Variants in APH1B observed in about 807,000 individuals in gnomAD.
The protein encoded by APH1B is gamma-secretase subunit APH-1B.
Under a neutral mutation model 28.2 loss-of-function variants are expected in APH1B, and 27 were observed. That is an observed-to-expected ratio of 0.96 (90% CI 0.70 to 1.32). APH1B has a LOEUF of 1.32. Among genes scored for constraint, APH1B ranks in the 40% most tolerant of loss-of-function variants. The pLI, the probability that APH1B is intolerant of heterozygous loss-of-function variation, is 0.00. For missense variants in APH1B, 305 were observed against 313.6 expected (o/e 0.97, Z 0.21); for synonymous variants, 141 against 124.6 (o/e 1.13, Z -0.88).
At chr15:63,305,573 C>T in intron 5 of APH1B, 41 bp from the exon 6 acceptor site, 1 of 1,600,776 alleles carries the variant, frequency 6.2e-7, no homozygotes, top group Non-Finnish European at 8.5e-7. Flanking sequence ...GTTTAATAAG[C>T]TTGCTGTTAT....
At chr15:63,305,586 C>T (rs1290899290) in intron 5 of APH1B, 28 bp from the exon 6 acceptor site, 1 of 1,609,768 alleles carries the variant, frequency 6.2e-7, no homozygotes, top group Non-Finnish European at 8.5e-7. Context: ...GCTGTTATTA[C>T]CCAAGCTGAT....
chr15:63,304,200 A>C lies in APH1B; in HGVS notation c.607-1414A>C, dbSNP rs906712662. 6.6e-6 allele frequency among the ~76,000 whole-genome samples: 1 copy of C among 152,208 alleles called. No individual in the cohort carries two copies. The highest frequency in any genetic ancestry group is 2.4e-5 in the African/African-American group (1 of 41,466). On this transcript the variant is annotated intron_variant, in intron 5 of 5. Transcript: ENST00000261879. This position sits in a 1 kb window ranked among gnomAD's most constrained non-coding sequence, Gnocchi z 5.1. ...CATGTTGTGTGGCTCCGTTGACAGA[A>C]ATACCAAAAGGCAGCACCAGGCTGT... is the stretch of plus-strand genomic sequence containing the variant.
At chr15:63,302,307 ACC>A in intron 4 of APH1B, 36 bp from the exon 5 acceptor site, 1 of 1,607,038 alleles carries the variant, frequency 6.2e-7, no homozygotes, top group South Asian at 1.1e-5. Flanking sequence ...TGGTTCTGAT[ACC>A]TGTAGGAGTG....
rs373888843 is a variant in APH1B at position 63,302,401 on chromosome 15, G to T, written c.535G>T (p.Asp179Tyr). The T allele has an allele frequency of 2.0e-5, 33 of 1,613,896 alleles. No homozygotes were observed. The highest frequency in any genetic ancestry group is 4.5e-5 in the East Asian group (2 of 44,892). ...TGTATTCTGGGGCATTGTATTTTTT[G>T]ATGGCTGTGAGAAGAAAAAGTGGGG... ...LHVFWGIVFF[D>Y]GCEKKKWGIL... Residue 179 changes from aspartate to tyrosine, a missense_variant, in exon 5 of 6, where the codon GAT (aspartate) becomes TAT (tyrosine). Transcript: ENST00000261879.
chr15:63,295,258 T>A (rs1043619864), intron 4 of APH1B, among the ~76,000 whole-genome samples: 1 of 152,190 alleles, frequency 6.6e-6, no homozygotes, highest in Non-Finnish European at 1.5e-5. Context: ...AGTGAAGCAT[T>A]AATAGAAAGT....
chr15:63,292,874 C>G (rs989803913), intron 4 of APH1B, among the ~76,000 whole-genome samples: 2 of 152,340 alleles, frequency 1.3e-5, no homozygotes, highest in East Asian at 3.9e-4. Context: ...AGTGTGTAAG[C>G]AGGCAGCTCA....
In APH1B at chr15:63,287,427, C is replaced by T. The variant is rs199559857; in HGVS notation, c.359C>T (p.Ser120Phe). 2.2e-5 allele frequency: 35 copies of T among 1,613,108 alleles called. No individual in the cohort carries two copies. Among genetic ancestry groups the T allele is most frequent in the Non-Finnish European group, 3.0e-5 (35 of 1,179,552 alleles). ...APSMRLLAYV[S>F]GLGFGIMSGV... ...CAGTGTTTTTCTTCCTGTTTAGTTT[C>T]TGGCTTGGGCTTTGGAATCATGAGT... The change falls in exon 4 of 6, where the codon TCT becomes TTT. Residue 120 changes from serine to phenylalanine, a missense_variant. By Grantham distance (155) the Ser-to-Phe change is radical. Transcript: ENST00000261879.
At chr15:63,277,841 T>G in intron 1 of APH1B, 105 bp downstream of exon 1, 1 of 1,124,724 alleles carries the variant, frequency 8.9e-7, no homozygotes, top group East Asian at 2.7e-5. Context: ...CTTGTTGCGT[T>G]TCAGACGGGA....
chr15:63,299,083 T>C (rs1476009253), intron 4 of APH1B, among the ~76,000 whole-genome samples: 2 of 151,980 alleles, frequency 1.3e-5, no homozygotes, highest in Admixed American at 1.3e-4. Flanking sequence ...AAACCAGAGG[T>C]ATAGACAGAG....
chr15:63,279,950 ACCATGCCC>A (rs1241931843), intron 2 of APH1B, among the ~76,000 whole-genome samples: 1 of 152,060 alleles, frequency 6.6e-6, no homozygotes, highest in African/African-American at 2.4e-5. Context: ...GGTGTGCACC[ACCATGCCC>A]GGCTAATTTT....
At chr15:63,287,643 A>G (rs1335213284) in intron 4 of APH1B, 97 bp downstream of exon 4, 2 of 1,458,884 alleles carry the variant, frequency 1.4e-6, no homozygotes, top group East Asian at 2.3e-5. Flanking sequence ...ATTGGAATTT[A>G]TGTTATGTCT....
chr15:63,300,825 G>T (rs80074265), intron 4 of APH1B, among the ~76,000 whole-genome samples: 1 of 152,068 alleles, frequency 6.6e-6, no homozygotes, highest in Non-Finnish European at 1.5e-5. Flanking sequence ...ATTTTTTCAC[G>T]ATACGGTTTT....
In APH1B at chr15:63,293,031, C is replaced by G. The variant is rs144191931; in HGVS notation, c.478+5485C>G. ...TGAATGGCTAGGCTCTGCTGACTAC[C>G]TTTCGGCGCAGTTGAATGACTTGCA... is the stretch of plus-strand genomic sequence containing the variant. On this transcript the variant is annotated intron_variant, in intron 4 of 5. Coordinates refer to ENST00000261879, the MANE Select transcript of APH1B (RefSeq NM_031301.4). Among the ~76,000 whole-genome samples the G allele has an allele frequency of 3.1e-3, 468 of 152,352 alleles. 4 individuals are homozygous for G. Among genetic ancestry groups the G allele is most frequent in the African/African-American group, 0.011 (452 of 41,580 alleles).
At chr15:63,290,272 T>A (rs2038491852) in intron 4 of APH1B, among the ~76,000 whole-genome samples, 1 of 152,352 alleles carries the variant, frequency 6.6e-6, no homozygotes, top group East Asian at 1.9e-4. Flanking sequence ...AGGTTACTTC[T>A]TTTTTATTTG....
intron 4 of APH1B, 57 bp downstream of exon 4, chr15:63,287,603 T>C: frequency 6.4e-7 from 1 of 1,571,486 alleles, no homozygotes; most frequent in Non-Finnish European, 8.7e-7. Context: ...TCATTCTTAT[T>C]GGGGTTCACT....
chr15:63,299,226 G>C (rs527489660), intron 4 of APH1B, among the ~76,000 whole-genome samples: 3 of 152,048 alleles, frequency 2.0e-5, no homozygotes, highest in Non-Finnish European at 4.4e-5. Flanking sequence ...GACTTTGGAG[G>C]CAAAGTCAAT....
intron 2 of APH1B, among the ~76,000 whole-genome samples, chr15:63,286,167 A>G (rs965812688): frequency 6.6e-6 from 1 of 152,238 alleles, no homozygotes; most frequent in African/African-American, 2.4e-5. Flanking sequence ...ACAAAGCAGG[A>G]ATAAGGATAC....
rs2038688380 is a variant in APH1B, at chr15:63,306,372, C to T, written c.*591C>T. ...TAATAAATTACGCTGACTGTGGTAACTTAGCCAAAGTAAGATACTGATTAA... is the reference window on the plus strand; with the variant it reads ...TAATAAATTACGCTGACTGTGGTAATTTAGCCAAAGTAAGATACTGATTAA... On this transcript the variant is annotated 3_prime_UTR_variant, in exon 6 of 6. Transcript: ENST00000261879. The T allele has an allele frequency of 6.6e-6, 1 of 152,302 alleles. No homozygotes were observed. The highest frequency in any genetic ancestry group is 1.5e-5 in the Non-Finnish European group (1 of 68,136). 9.4% of individuals were successfully genotyped at this position (152,302 alleles called of 1,614,324 possible).
At position 63,280,794 on chromosome 15, in the gene APH1B, T is replaced by C. The variant is rs1029581815; in HGVS notation, c.284+1463T>C. Among the ~76,000 whole-genome samples, 15 of 152,356 alleles carry C rather than the reference T, an allele frequency of 9.8e-5. No homozygotes were observed. In the East Asian group the frequency reaches 2.9e-3, roughly 29 times the overall value. ...TAGCTGTGTTTGAATGTTTCTGGTATGTGGCAGTTACTACCATTCTACAAT... is the reference window on the plus strand; with the variant it reads ...TAGCTGTGTTTGAATGTTTCTGGTACGTGGCAGTTACTACCATTCTACAAT... On this transcript the variant is annotated intron_variant, in intron 2 of 5. Coordinates refer to ENST00000261879, the MANE Select transcript of APH1B (RefSeq NM_031301.4).
Sources: gnomAD v4.1 joint callset for allele counts (sites outside exome capture counted in the v4.1 genomes callset) on GRCh38, gnomAD v4.1.1 for gene constraint, Gnocchi (gnomAD v3.1) non-coding constraint, MANE v1.5 for transcripts, NCBI Gene and HGNC (gene_info 2026-07-23, HGNC 2026-07-21) for gene names.